RUFY1: variants seen among roughly 807,000 people sequenced by gnomAD.
The protein encoded by RUFY1 is RUN and FYVE domain containing 1.
RUFY1 carries 54 observed loss-of-function variants against 94.6 expected under a neutral mutation model. The observed-to-expected ratio is 0.57, with a 90% confidence interval of 0.46 to 0.72. The LOEUF (loss-of-function observed/expected upper bound fraction) is 0.72. RUFY1 is among the 30% of genes least tolerant of loss of function. The pLI, the probability that RUFY1 is intolerant of heterozygous loss-of-function variation, is 0.00. For synonymous variants in RUFY1, 396 were observed against 347.3 expected, an observed-to-expected ratio of 1.14 and a Z score of -1.56; for missense variants, 883 against 883.9, an observed-to-expected ratio of 1.00 and a Z score of 0.01.
chr5:179,591,412 C>T (rs1400449245), intron 9 of RUFY1, among the ~76,000 whole-genome samples: 1 of 149,864 alleles, frequency 6.7e-6, no homozygotes, highest in Non-Finnish European at 1.5e-5. Flanking sequence ...TCTCGATCGC[C>T]TGACCTCGTG....
intron 4 of RUFY1, among the ~76,000 whole-genome samples, chr5:179,568,706 G>A (rs1362402718): frequency 2.0e-5 from 3 of 152,096 alleles, no homozygotes; most frequent in African/African-American, 4.8e-5. Context: ...CTTTACTAAT[G>A]AACTAATTCT....
chr5:179,585,777 A>G lies in RUFY1; in HGVS notation c.957-19A>G. On this transcript the variant is annotated intron_variant, in intron 7 of 17. Transcript: ENST00000319449. ...GCTTGTATAAGTTTATGTTTACTTA[A>G]TATTCTTATTTTCTACAGCTGCACA... is the stretch of plus-strand genomic sequence containing the variant. 1.3e-6 allele frequency: 2 copies of G among 1,577,384 alleles called. No individual in the cohort carries two copies. The highest frequency in any genetic ancestry group is 1.7e-6 in the Non-Finnish European group (2 of 1,147,172).
At position 179,564,842 on chromosome 5, in the gene RUFY1, T is replaced by C. The variant is rs571276790; in HGVS notation, c.602+2178T>C. Among the ~76,000 whole-genome samples the C allele has an allele frequency of 2.0e-5, 3 of 152,242 alleles. No individual in the cohort carries two copies. The South Asian group carries it at 6.2e-4, about 32-fold the overall frequency. On this transcript the variant is annotated intron_variant, in intron 3 of 17. Transcript: ENST00000319449. ...CCACCCTAGTTTTTTTTAACCCAGC[T>C]AAATAAATTATGGTGCTGTCCAATA...
At chr5:179,581,438 A>ATT (rs763576066) in intron 7 of RUFY1, among the ~76,000 whole-genome samples, 7 of 116,908 alleles carry the variant, frequency 6.0e-5, no homozygotes, top group East Asian at 5.0e-4. Flanking sequence ...CTTTATCTTG[A>ATT]TTTTTTTTTT....
chr5:179,601,885 A>G lies in RUFY1; in HGVS notation c.1762-7A>G. On this transcript the variant is annotated splice_region_variant and splice_polypyrimidine_tract_variant and intron_variant, in intron 14 of 17. Coordinates refer to ENST00000319449, the MANE Select transcript of RUFY1 (RefSeq NM_025158.5). ...TGTCCAGCATCTGGTTGGTTTGTTC[A>G]TTTTAGGAGTTGCGGGAGCTTCAGG... 6.3e-7 allele frequency: 1 copy of G among 1,589,370 alleles called. No individual in the cohort carries two copies. Among genetic ancestry groups the G allele is most frequent in the South Asian group, 1.1e-5 (1 of 90,672 alleles).
At chr5:179,596,385 G>T in intron 12 of RUFY1, 177 bp from the exon 13 acceptor site, 1 of 789,262 alleles carries the variant, frequency 1.3e-6, no homozygotes, top group Non-Finnish European at 2.2e-6. Flanking sequence ...GGGGAGTTTT[G>T]GGAGTGGTGG....
intron 2 of RUFY1, among the ~76,000 whole-genome samples, chr5:179,561,678 CTTTT>C (rs71001004): frequency 1.4e-4 from 9 of 64,608 alleles, no homozygotes; most frequent in South Asian, 6.0e-4. Context: ...TTTTTTCTTT[CTTTT>C]TTTTTTTTTT....
intron 5 of RUFY1, among the ~76,000 whole-genome samples, chr5:179,573,031 T>C (rs1763335588): frequency 6.6e-6 from 1 of 152,250 alleles, no homozygotes; most frequent in Non-Finnish European, 1.5e-5. Context: ...TTCTACTAAT[T>C]TGAAATTCCA....
At chr5:179,572,535 T>C (rs1763301939) in intron 5 of RUFY1, 1 of 216,810 alleles carries the variant, frequency 4.6e-6, no homozygotes, top group African/African-American at 2.4e-5. Flanking sequence ...CTACCCTGCC[T>C]CTTTATCATC....
intron 16 of RUFY1, chr5:179,607,258 C>T: frequency 2.7e-6 from 1 of 368,128 alleles, no homozygotes; most frequent in South Asian, 3.0e-5. Context: ...ACCAGAAGCT[C>T]GCTCTGCTTA....
At chr5:179,596,452 A>G in intron 12 of RUFY1, 110 bp from the exon 13 acceptor site, 1 of 1,369,832 alleles carries the variant, frequency 7.3e-7, no homozygotes. Context: ...AAAACTCACA[A>G]GAGTTAATTT....
At chr5:179,578,200 G>T (rs1273688881) in intron 6 of RUFY1, among the ~76,000 whole-genome samples, 1 of 152,024 alleles carries the variant, frequency 6.6e-6, no homozygotes, top group East Asian at 1.9e-4. Flanking sequence ...TAGTGTTTTA[G>T]ATTTGTTTGT....
chr5:179,596,624 A>G lies in RUFY1; in HGVS notation c.1574A>G (p.Glu525Gly). ...AEERSHKLQQ[E>G]LGGRIGALQL... Reference sequence around the variant, plus strand: ...GAGCGGAGCCACAAGCTGCAGCAGGAGCTGGGCGGGAGGATCGGCGCCCTG... The same window carrying G: ...GAGCGGAGCCACAAGCTGCAGCAGGGGCTGGGCGGGAGGATCGGCGCCCTG... The change falls in exon 13 of 18, where the codon GAG becomes GGG. Residue 525 changes from glutamate (E) to glycine (G), a missense_variant. By Grantham distance (98) the Glu-to-Gly change is moderately conservative. Coordinates refer to ENST00000319449, the MANE Select transcript of RUFY1 (RefSeq NM_025158.5). 1 of 1,612,954 alleles carries G rather than the reference A, an allele frequency of 6.2e-7. No individual in the cohort carries two copies. The highest frequency in any genetic ancestry group is 8.5e-7 in the Non-Finnish European group (1 of 1,179,898).
intron 1 of RUFY1, chr5:179,559,804 T>C (rs928799015): frequency 4.6e-6 from 6 of 1,298,878 alleles, no homozygotes; most frequent in Non-Finnish European, 5.9e-6. Context: ...GGAGGCCCAG[T>C]GGCTCTTCTG....
At chr5:179,596,365 G>A in intron 12 of RUFY1, 197 bp from the exon 13 acceptor site, 1 of 709,548 alleles carries the variant, frequency 1.4e-6, no homozygotes, top group Non-Finnish European at 2.5e-6. Context: ...TGGTTGCCAG[G>A]GGCTGAGGTG....
At chr5:179,582,371 A>T (rs1441406982) in intron 7 of RUFY1, among the ~76,000 whole-genome samples, 2 of 152,116 alleles carry the variant, frequency 1.3e-5, no homozygotes, top group Non-Finnish European at 2.9e-5. Flanking sequence ...AACTACAGGC[A>T]TGCACCACTA....
In RUFY1 at chr5:179,555,398, C is replaced by T. The variant is rs182227152; in HGVS notation, c.310+4519C>T. On this transcript the variant is annotated intron_variant, in intron 1 of 17. Transcript: ENST00000319449. ...AATAGTTTGGCCAAGGTCACAAAGCCAGTAAAATTGAGAGATAGAACCGCT... is the reference window on the plus strand; with the variant it reads ...AATAGTTTGGCCAAGGTCACAAAGCTAGTAAAATTGAGAGATAGAACCGCT... Among the ~76,000 whole-genome samples the T allele has an allele frequency of 2.6e-5, 4 of 152,192 alleles. No homozygotes were observed. The East Asian group carries it at 7.7e-4, about 29-fold the overall frequency.
Position 179,567,479 on chromosome 5 carries a change from C to CCGAG in RUFY1, c.624_627dup (p.Trp210SerfsTer23). ...ATTCTAGGACAGCTGTGGGAAGAGG[C>CCGAG]CGAGCGTGGCTTTATCTTGCACTCA... On this transcript the variant is annotated frameshift_variant, in exon 4 of 18. Coordinates refer to ENST00000319449, the MANE Select transcript of RUFY1 (RefSeq NM_025158.5). LOFTEE classifies it high-confidence loss of function. 1 of 1,613,744 alleles carries CCGAG rather than the reference C, an allele frequency of 6.2e-7. No individual in the cohort carries two copies. The highest frequency in any genetic ancestry group is 8.5e-7 in the Non-Finnish European group (1 of 1,179,644).
chr5:179,559,167 T>C (rs1451936783), intron 1 of RUFY1, among the ~76,000 whole-genome samples: 1 of 152,216 alleles, frequency 6.6e-6, no homozygotes, highest in Non-Finnish European at 1.5e-5. Flanking sequence ...GGACTCTTAC[T>C]TTGGGATCTA....
Sources: gnomAD v4.1 joint callset for allele counts (sites outside exome capture counted in the v4.1 genomes callset) on GRCh38, gnomAD v4.1.1 for gene constraint, MANE v1.5 for transcripts, NCBI Gene and HGNC (gene_info 2026-07-23, HGNC 2026-07-21) for gene names.